FREM1: variants seen among roughly 807,000 people sequenced by gnomAD.
The protein encoded by FREM1 is FRAS1 related extracellular matrix 1.
Under a neutral mutation model 210.1 loss-of-function variants are expected in FREM1, and 220 were observed. The ratio of observed to expected loss-of-function variants is 1.05; its 90% CI spans 0.94 to 1.17. The LOEUF (loss-of-function observed/expected upper bound fraction) is 1.17. Ranked by LOEUF, FREM1 falls within the 50% of genes most tolerant of loss-of-function variation. The pLI is 0.00. For synonymous variants in FREM1, 1,189 were observed against 980.2 expected (o/e 1.21, Z -3.98); for missense variants, 3,454 against 2,675.5 (o/e 1.29, Z -6.42).
chr9:14,879,750 C>CTTT (rs1834447303), intron 1 of FREM1, among the ~76,000 whole-genome samples: 2 of 152,100 alleles, frequency 1.3e-5, no homozygotes, highest in African/African-American at 4.8e-5. Flanking sequence ...TTCGGTAAAG[C>CTTT]AACTCTAAAG....
Position 14,842,512 on chromosome 9 carries a change from G to T in FREM1, c.1542C>A (p.Val514=). 6.2e-7 allele frequency: 1 copy of T among 1,614,068 alleles called. No homozygotes were observed. The highest frequency in any genetic ancestry group is 1.3e-5 in the African/African-American group (1 of 75,072). Reference sequence around the variant, plus strand: ...ACGGGGGACTATCATCTTTGGGCAAGACGTTGATGGGGAATTTGTGACGGA... The same window carrying T: ...ACGGGGGACTATCATCTTTGGGCAATACGTTGATGGGGAATTTGTGACGGA... ...HSIRHKFPIN[V]LPKDDSPPFL... Residue 514 remains valine (V), a synonymous_variant, in exon 9 of 37, where the codon GTC becomes GTA. Coordinates refer to ENST00000380880, the MANE Select transcript of FREM1 (RefSeq NM_001379081.2).
intron 1 of FREM1, among the ~76,000 whole-genome samples, chr9:14,890,405 C>T (rs934628184): frequency 1.3e-5 from 2 of 152,230 alleles, no homozygotes; most frequent in African/African-American, 4.8e-5. Flanking sequence ...TACCCAAATA[C>T]ATTTGAAGCA....
chr9:14,842,136 T>C (rs955925880), intron 9 of FREM1, among the ~76,000 whole-genome samples, 180 bp downstream of exon 9: 3 of 152,238 alleles, frequency 2.0e-5, no homozygotes, highest in Non-Finnish European at 4.4e-5. Context: ...AAATTAACTT[T>C]CCTAAATCTC....
Position 14,876,083 on chromosome 9 carries a change from C to T in FREM1, c.-267-6839G>A, listed in dbSNP as rs926047338. 1.1e-3 allele frequency among the ~76,000 whole-genome samples: 172 copies of T among 152,156 alleles called. 2 individuals carry two copies. In the South Asian group the frequency reaches 0.018, roughly 16 times the overall value. On this transcript the variant is annotated intron_variant, in intron 1 of 36. Coordinates refer to ENST00000380880, the MANE Select transcript of FREM1 (RefSeq NM_001379081.2). ...GGCCGTGTGAGGTGTCAGTCTGCCC[C>T]TACTGGGGGGTGCCTCCCAGTTAGG...
At chr9:14,854,443 T>C (rs1331448774) in intron 5 of FREM1, among the ~76,000 whole-genome samples, 2 of 152,060 alleles carry the variant, frequency 1.3e-5, no homozygotes, top group African/African-American at 4.8e-5. Flanking sequence ...TGATACAAAT[T>C]GATCATTAAT....
At chr9:14,883,535 A>G (rs917760934) in intron 1 of FREM1, among the ~76,000 whole-genome samples, 1 of 152,234 alleles carries the variant, frequency 6.6e-6, no homozygotes, top group East Asian at 1.9e-4. Context: ...AAAAGAATTC[A>G]GACGAGCAGA....
At chr9:14,795,028 G>C (rs1362637132) in intron 21 of FREM1, among the ~76,000 whole-genome samples, 1 of 149,972 alleles carries the variant, frequency 6.7e-6, no homozygotes, top group Non-Finnish European at 1.5e-5. Context: ...AGAAAAGAAA[G>C]AAAGAAAAAA....
At chr9:14,897,373 T>C (rs1181702230) in intron 1 of FREM1, among the ~76,000 whole-genome samples, 3 of 152,152 alleles carry the variant, frequency 2.0e-5, no homozygotes, top group Admixed American at 1.3e-4. Flanking sequence ...CCTGAAACCA[T>C]GTTCCTTGCT....
At chr9:14,879,368 T>C (rs1203105001) in intron 1 of FREM1, among the ~76,000 whole-genome samples, 3 of 152,126 alleles carry the variant, frequency 2.0e-5, no homozygotes, top group Non-Finnish European at 4.4e-5. Flanking sequence ...GACTTCCTGA[T>C]GATTGGCCAA....
intron 1 of FREM1, among the ~76,000 whole-genome samples, 196 bp from the exon 2 acceptor site, chr9:14,869,440 T>A (rs1337761312): frequency 6.6e-6 from 1 of 152,186 alleles, no homozygotes; most frequent in Non-Finnish European, 1.5e-5. Context: ...TGCTTATAGC[T>A]CCTGCTTCCG....
chr9:14,867,560 A>C (rs1190215568), intron 2 of FREM1, among the ~76,000 whole-genome samples: 1 of 152,236 alleles, frequency 6.6e-6, no homozygotes, highest in Admixed American at 6.5e-5. Flanking sequence ...GATGTGTTTC[A>C]GAATGGGTCT....
intron 24 of FREM1, among the ~76,000 whole-genome samples, chr9:14,777,817 A>G (rs899248768): frequency 1.4e-4 from 22 of 152,196 alleles, no homozygotes; most frequent in African/African-American, 5.3e-4. Flanking sequence ...TGTGAAAGCA[A>G]CGAGTCAACC....
intron 1 of FREM1, among the ~76,000 whole-genome samples, chr9:14,889,754 T>G (rs1836460218): frequency 6.6e-6 from 1 of 152,226 alleles, no homozygotes; most frequent in Non-Finnish European, 1.5e-5. Flanking sequence ...GCTCTTAGGT[T>G]GTCCGGGGCC....
chr9:14,794,384 C>T (rs150865933), intron 21 of FREM1, among the ~76,000 whole-genome samples: 1 of 152,240 alleles, frequency 6.6e-6, no homozygotes, highest in African/African-American at 2.4e-5. Context: ...CTACTAGCTC[C>T]CGAGGTTAAG....
At chr9:14,748,122 T>C (rs17290200) in intron 31 of FREM1, among the ~76,000 whole-genome samples, 3,482 of 152,220 alleles carry the variant, frequency 0.023, 64 homozygotes, top group Non-Finnish European at 0.035. Context: ...TATTTCAGGG[T>C]CATGGATCAT....
chr9:14,822,032 G>T (rs1821448928), intron 13 of FREM1, among the ~76,000 whole-genome samples: 1 of 152,144 alleles, frequency 6.6e-6, no homozygotes, highest in South Asian at 2.1e-4. Context: ...TTCCCCCATA[G>T]TATTCTCATG....
At position 14,776,147 on chromosome 9, in the gene FREM1, T is replaced by A. The variant is rs281875280; in HGVS notation, c.4499A>T (p.Glu1500Val). 5.4e-5 allele frequency: 84 copies of A among 1,562,082 alleles called. 1 individual carries two copies. The Admixed American group carries it at 1.1e-3, about 21-fold the overall frequency. The part of the protein sequence containing the change: ...TEHGVFEITL[E>V]TVDRALPVVT... ...CACAGGCAGGGCTCTGTCCACAGTC[T>A]CCAGTGTGATCTCAAACACCCCGTG... Residue 1500 changes from glutamate to valine, a missense_variant, in exon 25 of 37, where the codon GAG (glutamate) becomes GTG (valine). Glu to Val is a moderately radical substitution (Grantham distance 121, BLOSUM62 -2). Transcript: ENST00000380880.
intron 1 of FREM1, among the ~76,000 whole-genome samples, chr9:14,891,982 A>G (rs1369680192): frequency 1.3e-5 from 2 of 152,114 alleles, no homozygotes; most frequent in African/African-American, 2.4e-5. Context: ...TGGAGTAGCC[A>G]TTCTTTTATT....
rs141319925 is a variant in FREM1, at chr9:14,854,411, A to G, written c.829-2804T>C. On this transcript the variant is annotated intron_variant, in intron 5 of 36. Transcript: ENST00000380880. Reference sequence around the variant, plus strand: ...ACAAGAAAGGCACTTAAAATTACATAGAAAGATTAAAAGGAAAAGGGTGAT... The same window carrying G: ...ACAAGAAAGGCACTTAAAATTACATGGAAAGATTAAAAGGAAAAGGGTGAT... 1.8e-3 allele frequency among the ~76,000 whole-genome samples: 279 copies of G among 152,280 alleles called. 4 individuals are homozygous for G. Among genetic ancestry groups the G allele is most frequent in the African/African-American group, 6.2e-3 (257 of 41,590 alleles).
Sources: allele counts gnomAD v4.1 joint callset (sites outside exome capture counted in the v4.1 genomes callset), GRCh38; gene constraint gnomAD v4.1.1; transcripts MANE v1.5; gene names NCBI Gene and HGNC (gene_info 2026-07-23, HGNC 2026-07-21).